Variants in ODR4 observed in about 807,000 individuals in gnomAD.
ODR4 encodes the protein odr-4 GPCR localization factor homolog.
ODR4 carries 47 observed loss-of-function variants against 60.2 expected under a neutral mutation model. That is an observed-to-expected ratio of 0.78 (90% CI 0.62 to 1.00). ODR4 has a LOEUF of 1.00. ODR4 is among the 50% of genes least tolerant of loss of function. The probability of loss-of-function intolerance (pLI) is 0.00; values close to 1 mark genes in which losing one functional copy is unlikely to be tolerated. For synonymous variants in ODR4, 178 were observed against 175.5 expected, an observed-to-expected ratio of 1.01 and a Z score of -0.11; for missense variants, 488 against 530.8, an observed-to-expected ratio of 0.92 and a Z score of 0.79.
At chr1:186,424,822 G>T (rs1661857156), downstream of ODR4, among the ~76,000 whole-genome samples, 1 of 151,960 alleles carries the variant, frequency 6.6e-6, no homozygotes, top group African/African-American at 2.4e-5. Context: ...TTATGGCTGG[G>T]ATCCAAGAAG....
At chr1:186,385,919 C>T in intron 3 of ODR4, 69 bp from the exon 4 acceptor site, 2 of 929,416 alleles carry the variant, frequency 2.2e-6, no homozygotes. Flanking sequence ...GCTAAGCAGA[C>T]AGTTTCTCAA....
At chr1:186,429,396 GT>G in the ODR4 span, among the ~76,000 whole-genome samples, 1 of 152,128 alleles carries the variant, frequency 6.6e-6, no homozygotes, top group South Asian at 2.1e-4. Context: ...TTGATGCAGG[GT>G]TGTAAAAACT....
At chr1:186,400,983 G>T in intron 11 of ODR4, 1 of 1,494,832 alleles carries the variant, frequency 6.7e-7, no homozygotes. Flanking sequence ...GTAAATCATT[G>T]CTTCAGGTTC....
At chr1:186,411,022 A>C (rs1171208238) in intron 12 of ODR4, among the ~76,000 whole-genome samples, 4 of 152,110 alleles carry the variant, frequency 2.6e-5, no homozygotes, top group African/African-American at 9.7e-5. Context: ...TCTCAAAAAA[A>C]AAAAAAGAGT....
chr1:186,431,406 G>A, the ODR4 span, among the ~76,000 whole-genome samples: 3 of 151,902 alleles, frequency 2.0e-5, no homozygotes, highest in Non-Finnish European at 2.9e-5. Flanking sequence ...TTGTCTTCTC[G>A]GATTCAAGAA....
chr1:186,430,713 GC>G, the ODR4 span, among the ~76,000 whole-genome samples: 1 of 151,970 alleles, frequency 6.6e-6, no homozygotes, highest in Non-Finnish European at 1.5e-5. Context: ...TCCTAGATCT[GC>G]CAAAAGAAAA....
downstream of ODR4, among the ~76,000 whole-genome samples, chr1:186,425,193 CA>C (rs1661862751): frequency 6.6e-6 from 1 of 152,086 alleles, no homozygotes; most frequent in African/African-American, 2.4e-5. Flanking sequence ...TGATCTAAAC[CA>C]GTTTCAGTAA....
At chr1:186,394,226 A>T (rs971150268) in intron 9 of ODR4, among the ~76,000 whole-genome samples, 2 of 152,142 alleles carry the variant, frequency 1.3e-5, no homozygotes, top group African/African-American at 4.8e-5. Context: ...AAATTTTAAC[A>T]TCAATAGATA....
At chr1:186,395,605 C>G (rs1172814518) in intron 9 of ODR4, among the ~76,000 whole-genome samples, 1 of 152,150 alleles carries the variant, frequency 6.6e-6, no homozygotes, top group Non-Finnish European at 1.5e-5. Flanking sequence ...AGCCTTACAA[C>G]AGTATTATTT....
chr1:186,426,428 T>C, the ODR4 span, among the ~76,000 whole-genome samples: 1 of 152,244 alleles, frequency 6.6e-6, no homozygotes, highest in Non-Finnish European at 1.5e-5. Flanking sequence ...GTTGACAGTT[T>C]ATCTGGTTTT....
chr1:186,411,750 AT>A (rs1157813406), intron 12 of ODR4: 1 of 364,134 alleles, frequency 2.7e-6, no homozygotes, highest in Non-Finnish European at 3.8e-6. Context: ...ACTTAGTTAT[AT>A]GTTTCACACT....
At chr1:186,389,763 A>G in intron 6 of ODR4, 139 bp downstream of exon 6, 2 of 607,292 alleles carry the variant, frequency 3.3e-6, no homozygotes, top group East Asian at 3.1e-5. Context: ...TTTATTTTGA[A>G]ATATGATTAA....
chr1:186,390,306 A>G (rs939960299), intron 6 of ODR4, among the ~76,000 whole-genome samples: 1 of 152,230 alleles, frequency 6.6e-6, no homozygotes, highest in Non-Finnish European at 1.5e-5. Flanking sequence ...TGAAAAAGTA[A>G]CTTTGCAGTG....
At chr1:186,417,507 A>G (rs756779160) in intron 12 of ODR4, 37 bp from the exon 13 acceptor site, 4 of 1,167,222 alleles carry the variant, frequency 3.4e-6, no homozygotes, top group Non-Finnish European at 5.0e-6. Context: ...GTTAATCCTT[A>G]TTTTATGTGG....
chr1:186,405,157 C>A, intron 11 of ODR4, among the ~76,000 whole-genome samples: 1 of 151,496 alleles, frequency 6.6e-6, no homozygotes, highest in African/African-American at 2.4e-5. Context: ...AATAAAGAGT[C>A]AAAGGGAAGG....
intron 6 of ODR4, 67 bp from the exon 7 acceptor site, chr1:186,390,644 G>C: frequency 6.7e-7 from 1 of 1,486,168 alleles, no homozygotes; most frequent in Non-Finnish European, 9.3e-7. Context: ...ATTTAATAAT[G>C]TTTTGTTGAT....
In ODR4 at chr1:186,391,025, A is replaced by G. The variant is rs377200839; in HGVS notation, c.615+174A>G. ...TTAGAAATTTTTAGAAATTTTTAGA[A>G]GTGGAACAATGTCATAATACTAGTA... On this transcript the variant is annotated intron_variant, in intron 7 of 13. Coordinates refer to ENST00000287859, the MANE Select transcript of ODR4 (RefSeq NM_017847.6). 5.3e-5 allele frequency among the ~76,000 whole-genome samples: 8 copies of G among 152,326 alleles called. No homozygotes were observed. In the South Asian group the frequency reaches 1.7e-3, roughly 32 times the overall value.
rs146515505 is a variant in ODR4, at chr1:186,410,652, A to G, written c.1186+4384A>G. On this transcript the variant is annotated intron_variant, in intron 12 of 13. Coordinates refer to ENST00000287859, the MANE Select transcript of ODR4 (RefSeq NM_017847.6). ...GATTTGGTTAATAATTTAATCAGAA[A>G]AAAGTCTCTATTATAGGCATTAGCA... 1.5e-4 allele frequency among the ~76,000 whole-genome samples: 23 copies of G among 152,352 alleles called. No individual in the cohort carries two copies. In the East Asian group the frequency reaches 4.2e-3, roughly 28 times the overall value.
chr1:186,424,805 C>G (rs1359774528), downstream of ODR4, among the ~76,000 whole-genome samples: 1 of 151,842 alleles, frequency 6.6e-6, no homozygotes, highest in African/African-American at 2.4e-5. Context: ...GCTGGGCTTG[C>G]TATCATTTAT....
Sources: allele counts gnomAD v4.1 joint callset (sites outside exome capture counted in the v4.1 genomes callset), GRCh38; gene constraint gnomAD v4.1.1; transcripts MANE v1.5; gene names NCBI Gene and HGNC (gene_info 2026-07-23, HGNC 2026-07-21).